TMEM120B: variants seen among roughly 807,000 people sequenced by gnomAD.
TMEM120B encodes the protein transmembrane protein 120B.
In TMEM120B, 31 loss-of-function variants were observed where a neutral mutation model predicts 55.5. The observed-to-expected ratio is 0.56, with a 90% confidence interval of 0.42 to 0.75. TMEM120B has a LOEUF of 0.75. Ranked by LOEUF, TMEM120B falls within the 30% of genes least tolerant of loss-of-function variation. The pLI is 0.00. For synonymous variants in TMEM120B, 203 were observed against 176.3 expected, an observed-to-expected ratio of 1.15 and a Z score of -1.20; for missense variants, 399 against 425.5, an observed-to-expected ratio of 0.94 and a Z score of 0.55.
At chr12:121,759,713 C>T (rs1411150261) in intron 5 of TMEM120B, among the ~76,000 whole-genome samples, 1 of 151,398 alleles carries the variant, frequency 6.6e-6, no homozygotes, top group Non-Finnish European at 1.5e-5. Flanking sequence ...GAATGAAAAG[C>T]CACTGGGCGC....
intron 1 of TMEM120B, among the ~76,000 whole-genome samples, chr12:121,738,026 AAAAG>A (rs1872808948): frequency 2.0e-5 from 3 of 151,630 alleles, no homozygotes; most frequent in Admixed American, 6.6e-5. Context: ...AAAAAAAAAA[AAAAG>A]AAAGTCCAGG....
In TMEM120B at chr12:121,712,974, G is replaced by C; in HGVS notation, c.69+10G>C. Reference sequence around the variant, plus strand: ...ATTTCAAGAACTGCAGGTAGGGCCAGGCCACCTGGTCCCGCAACTCTGCTG... The same window carrying C: ...ATTTCAAGAACTGCAGGTAGGGCCACGCCACCTGGTCCCGCAACTCTGCTG... On this transcript the variant is annotated intron_variant, in intron 1 of 11. Transcript: ENST00000449592. 6.5e-7 allele frequency: 1 copy of C among 1,534,470 alleles called. No individual in the cohort carries two copies.
At chr12:121,719,201 G>A (rs977936008) in intron 1 of TMEM120B, among the ~76,000 whole-genome samples, 1 of 152,022 alleles carries the variant, frequency 6.6e-6, no homozygotes, top group Admixed American at 6.6e-5. Flanking sequence ...AACGAGTTGG[G>A]GAGGGATGGT....
intron 1 of TMEM120B, among the ~76,000 whole-genome samples, chr12:121,720,321 G>A (rs1894771038): frequency 6.6e-6 from 1 of 152,196 alleles, no homozygotes; most frequent in Non-Finnish European, 1.5e-5. Flanking sequence ...GTTAGGCGAA[G>A]TCATCCTTGG....
At chr12:121,733,992 T>G (rs1895055212) in intron 1 of TMEM120B, among the ~76,000 whole-genome samples, 1 of 152,168 alleles carries the variant, frequency 6.6e-6, no homozygotes. Flanking sequence ...CACAAAGAGA[T>G]CTGAAAGTAA....
chr12:121,735,896 TAGTC>T lies in TMEM120B; in HGVS notation c.70-7730_70-7727del, dbSNP rs778277910. ...AGTAGAGACGGGGGTTTCACCGTGTTAGTCAGGCTGGTCTTGAACCCCTGACCTC... is the reference window on the plus strand; with the variant it reads ...AGTAGAGACGGGGGTTTCACCGTGTTAGGCTGGTCTTGAACCCCTGACCTC... On this transcript the variant is annotated intron_variant, in intron 1 of 11. Coordinates refer to ENST00000449592, the MANE Select transcript of TMEM120B (RefSeq NM_001080825.2). Among the ~76,000 whole-genome samples, 7 of 152,218 alleles carry T rather than the reference TAGTC, an allele frequency of 4.6e-5. No individual in the cohort carries two copies. In the East Asian group the frequency reaches 9.7e-4, roughly 21 times the overall value.
At chr12:121,759,906 G>A (rs1412382334) in intron 5 of TMEM120B, among the ~76,000 whole-genome samples, 2 of 152,046 alleles carry the variant, frequency 1.3e-5, no homozygotes, top group Admixed American at 1.3e-4. Context: ...GCCGAGGCAG[G>A]TGGATCACGA....
At chr12:121,728,265 G>A (rs543672782) in intron 1 of TMEM120B, among the ~76,000 whole-genome samples, 3 of 151,706 alleles carry the variant, frequency 2.0e-5, no homozygotes, top group Non-Finnish European at 4.4e-5. Context: ...AGAGGTGGGC[G>A]GATCATGAGG....
intron 1 of TMEM120B, among the ~76,000 whole-genome samples, chr12:121,722,678 CA>C (rs1412133676): frequency 6.6e-6 from 1 of 151,972 alleles, no homozygotes; most frequent in Admixed American, 6.6e-5. Context: ...CTTAATGATA[CA>C]TTGTATGTAG....
At chr12:121,755,646 G>A (rs1873455620) in intron 5 of TMEM120B, among the ~76,000 whole-genome samples, 1 of 152,106 alleles carries the variant, frequency 6.6e-6, no homozygotes, top group Non-Finnish European at 1.5e-5. Flanking sequence ...GCATTTTAGT[G>A]CCAGTAGTTT....
intron 1 of TMEM120B, among the ~76,000 whole-genome samples, chr12:121,739,798 C>CTTTTTTTTTTTTTTT: frequency 2.0e-5 from 2 of 99,212 alleles, no homozygotes; most frequent in Non-Finnish European, 3.8e-5. Context: ...TGCAACACTT[C>CTTTTTTTTTTTTTTT]TTTTTTTTTT....
chr12:121,770,811 C>T (rs562858278), intron 6 of TMEM120B, 96 bp from the exon 7 acceptor site: 9 of 1,146,904 alleles, frequency 7.8e-6, no homozygotes, highest in African/African-American at 7.6e-5. Flanking sequence ...TCTCTGAGTG[C>T]AGAGTAACCC....
chr12:121,749,795 A>C (rs539940942), intron 3 of TMEM120B, among the ~76,000 whole-genome samples: 5 of 151,936 alleles, frequency 3.3e-5, no homozygotes, highest in Non-Finnish European at 5.9e-5. Flanking sequence ...AATCCCAGCT[A>C]CTTGGGAGGC....
chr12:121,712,818 G>C lies in TMEM120B; in HGVS notation c.-78G>C, dbSNP rs908691083. On this transcript the variant is annotated 5_prime_UTR_variant, in exon 1 of 12. Coordinates refer to ENST00000449592, the MANE Select transcript of TMEM120B (RefSeq NM_001080825.2). ...CTCCGAGGGCGGTCGGCGAGCGCGC[G>C]GGCGTGGGGCGCTGGGGGGCCGGTC... 3.6e-6 allele frequency: 4 copies of C among 1,116,992 alleles called. No homozygotes were observed. The highest frequency in any genetic ancestry group is 2.3e-6 in the Non-Finnish European group (2 of 867,648). The allele number at this position is 1,116,992 out of a possible 1,614,324, so 69.2% of individuals were successfully genotyped here.
chr12:121,748,745 T>C (rs570984580), intron 3 of TMEM120B, among the ~76,000 whole-genome samples: 2 of 152,298 alleles, frequency 1.3e-5, no homozygotes, highest in South Asian at 2.1e-4. Flanking sequence ...CAAACATGCA[T>C]TGCGTGCCTC....
chr12:121,736,001 A>C (rs190349943), intron 1 of TMEM120B, among the ~76,000 whole-genome samples: 60 of 151,920 alleles, frequency 3.9e-4, no homozygotes, highest in Middle Eastern at 3.4e-3. Context: ...TTTAAACAAT[A>C]ATCTATAAAA....
intron 6 of TMEM120B, among the ~76,000 whole-genome samples, chr12:121,769,162 CAAAA>C (rs10590198): frequency 7.2e-6 from 1 of 138,702 alleles, no homozygotes; most frequent in Admixed American, 7.3e-5. Flanking sequence ...AAAAAAAAGG[CAAAA>C]AAAAAAACCC....
intron 6 of TMEM120B, among the ~76,000 whole-genome samples, chr12:121,767,556 C>G (rs1310879656): frequency 6.6e-6 from 1 of 152,214 alleles, no homozygotes; most frequent in African/African-American, 2.4e-5. Context: ...GGTTTTAAAA[C>G]AGATTCTGGT....
chr12:121,764,005 A>G (rs1316476585), intron 6 of TMEM120B, among the ~76,000 whole-genome samples: 2 of 152,106 alleles, frequency 1.3e-5, no homozygotes, highest in South Asian at 2.1e-4. Flanking sequence ...GCAACCTTGT[A>G]GCTGCACACA....
Sources: allele counts gnomAD v4.1 joint callset (sites outside exome capture counted in the v4.1 genomes callset), GRCh38; gene constraint gnomAD v4.1.1; transcripts MANE v1.5; gene names NCBI Gene and HGNC (gene_info 2026-07-23, HGNC 2026-07-21).